AGBL1: variants seen among roughly 807,000 people sequenced by gnomAD.
AGBL1 encodes AGBL carboxypeptidase 1.
AGBL1 carries 130 observed loss-of-function variants against 118.9 expected under a neutral mutation model. The observed-to-expected ratio is 1.09, with a 90% CI of 0.95 to 1.26. AGBL1 has a LOEUF of 1.26. AGBL1 is among the 50% of genes most tolerant of loss of function. The probability of loss-of-function intolerance (pLI) is 0.00; values close to 1 mark genes in which losing one functional copy is unlikely to be tolerated. For missense variants in AGBL1, 1,584 were observed against 1,298.1 expected (o/e 1.22, Z -3.38); for synonymous variants, 555 against 478.9 (o/e 1.16, Z -2.08).
At chr15:86,106,299 G>T (rs192794397) in intron 1 of AGBL1, among the ~76,000 whole-genome samples, 2 of 152,290 alleles carry the variant, frequency 1.3e-5, no homozygotes, top group Non-Finnish European at 2.9e-5. Context: ...AATGCATTTG[G>T]ATGTACCCAC....
chr15:86,999,199 T>C (rs1264982873), intron 24 of AGBL1, among the ~76,000 whole-genome samples: 3 of 150,114 alleles, frequency 2.0e-5, no homozygotes, highest in East Asian at 3.9e-4. Context: ...ATTTTTTTAA[T>C]ATAAAATATA....
At chr15:86,269,158 A>T (rs1476470747) in intron 13 of AGBL1, among the ~76,000 whole-genome samples, 1 of 152,172 alleles carries the variant, frequency 6.6e-6, no homozygotes, top group African/African-American at 2.4e-5. Flanking sequence ...AGATAAATTC[A>T]TGGAGCTGTA....
chr15:86,757,516 A>T (rs1424514272), intron 22 of AGBL1, among the ~76,000 whole-genome samples: 1 of 152,096 alleles, frequency 6.6e-6, no homozygotes, highest in East Asian at 1.9e-4. Flanking sequence ...GGAAGGATTT[A>T]TTAACTCTGA....
chr15:86,682,685 T>C (rs1403219946), intron 22 of AGBL1, among the ~76,000 whole-genome samples: 1 of 152,090 alleles, frequency 6.6e-6, no homozygotes, highest in Non-Finnish European at 1.5e-5. Flanking sequence ...TTTAAACAAC[T>C]CAAATTCTTA....
chr15:86,462,055 G>C (rs1272365122), intron 18 of AGBL1, among the ~76,000 whole-genome samples: 1 of 152,132 alleles, frequency 6.6e-6, no homozygotes, highest in African/African-American at 2.4e-5. Context: ...AGCTTTATTT[G>C]TTGGGCAATA....
At chr15:86,634,810 A>C (rs1462749515) in intron 21 of AGBL1, among the ~76,000 whole-genome samples, 1 of 152,100 alleles carries the variant, frequency 6.6e-6, no homozygotes, top group East Asian at 1.9e-4. Flanking sequence ...AACTGAAAAG[A>C]CTCTGGCAAT....
At chr15:86,957,046 G>A (rs1474120907) in intron 23 of AGBL1, among the ~76,000 whole-genome samples, 1 of 151,994 alleles carries the variant, frequency 6.6e-6, no homozygotes, top group East Asian at 1.9e-4. Context: ...AAACATTAGA[G>A]GTGTTATACA....
intron 23 of AGBL1, among the ~76,000 whole-genome samples, chr15:86,985,916 A>G (rs2081277367): frequency 9.3e-6 from 1 of 108,062 alleles, no homozygotes; most frequent in South Asian, 4.8e-4. Flanking sequence ...TTATATGGAT[A>G]GCAATCTTTT....
intron 22 of AGBL1, among the ~76,000 whole-genome samples, chr15:86,884,727 G>A (rs1344259851): frequency 1.3e-5 from 2 of 152,154 alleles, no homozygotes; most frequent in South Asian, 2.1e-4. Flanking sequence ...TGGGAGAACC[G>A]CTTGAACCTG....
chr15:86,998,475 C>T (rs2081400441), intron 24 of AGBL1, among the ~76,000 whole-genome samples: 1 of 152,208 alleles, frequency 6.6e-6, no homozygotes. Flanking sequence ...CTGAGACTTA[C>T]ATGAGGCTGC....
intron 23 of AGBL1, among the ~76,000 whole-genome samples, chr15:86,967,807 G>A (rs984322410): frequency 6.6e-6 from 1 of 151,980 alleles, no homozygotes; most frequent in Admixed American, 6.6e-5. Context: ...TTGACAATGT[G>A]GGCTCTTTTT....
chr15:86,478,108 A>C (rs1348689768), intron 18 of AGBL1, among the ~76,000 whole-genome samples: 2 of 152,176 alleles, frequency 1.3e-5, no homozygotes, highest in Non-Finnish European at 2.9e-5. Flanking sequence ...ATTTATGACA[A>C]ACCCACAGCC....
intron 17 of AGBL1, among the ~76,000 whole-genome samples, chr15:86,337,849 C>T (rs987552288): frequency 2.0e-5 from 3 of 151,912 alleles, no homozygotes; most frequent in African/African-American, 7.3e-5. Flanking sequence ...TGCACATGTA[C>T]CCTGGAACTT....
chr15:86,764,171 C>G (rs998159836), intron 22 of AGBL1, among the ~76,000 whole-genome samples: 1 of 151,952 alleles, frequency 6.6e-6, no homozygotes, highest in Non-Finnish European at 1.5e-5. Flanking sequence ...TGCTTGGAAC[C>G]ATTGAACCTT....
chr15:86,936,419 A>G (rs531918244), intron 23 of AGBL1, among the ~76,000 whole-genome samples: 2 of 152,208 alleles, frequency 1.3e-5, no homozygotes, highest in Non-Finnish European at 2.9e-5. Flanking sequence ...GACACTTCCA[A>G]GGAATCCAGA....
At chr15:86,384,208 A>G (rs1283589451) in intron 17 of AGBL1, among the ~76,000 whole-genome samples, 43 of 152,172 alleles carry the variant, frequency 2.8e-4, no homozygotes, top group Non-Finnish European at 2.9e-5. Flanking sequence ...TTGAGGTGTC[A>G]GGAGCTTTCA....
intron 3 of AGBL1, among the ~76,000 whole-genome samples, chr15:86,153,472 A>G (rs2077144218): frequency 1.3e-5 from 2 of 151,400 alleles, no homozygotes; most frequent in Non-Finnish European, 2.9e-5. Flanking sequence ...GATCAGTTGG[A>G]TACAGGGCAG....
At chr15:86,338,757 G>A (rs1415179536) in intron 17 of AGBL1, among the ~76,000 whole-genome samples, 1 of 152,176 alleles carries the variant, frequency 6.6e-6, no homozygotes, top group East Asian at 1.9e-4. Flanking sequence ...GAAAACCGGT[G>A]TAGAGACTGT....
intron 18 of AGBL1, among the ~76,000 whole-genome samples, chr15:86,498,018 A>T (rs1203342489): frequency 3.3e-5 from 5 of 151,968 alleles, no homozygotes; most frequent in African/African-American, 4.8e-5. Flanking sequence ...TTGGAGGTAT[A>T]ATGAATGAGT....
Sources: gnomAD v4.1 joint callset for allele counts (sites outside exome capture counted in the v4.1 genomes callset) on GRCh38, gnomAD v4.1.1 for gene constraint, MANE v1.5 for transcripts, NCBI Gene and HGNC (gene_info 2026-07-23, HGNC 2026-07-21) for gene names.